Variants in KRTAP5-10 observed in about 807,000 individuals in gnomAD.
KRTAP5-10 encodes the protein keratin associated protein 5-10, also known as keratin-associated protein 5-10.
In KRTAP5-10, 1 loss-of-function variant was observed where a neutral mutation model predicts 1.6. The ratio of observed to expected loss-of-function variants is 0.64; its 90% confidence interval spans 0.23 to 3.04. KRTAP5-10 has a LOEUF of 3.04. Among genes scored for constraint, KRTAP5-10 ranks in the 30% most tolerant of loss-of-function variants. KRTAP5-10 has a pLI of 0.21. For missense variants in KRTAP5-10, 219 were observed against 255.2 expected, an observed-to-expected ratio of 0.86 and a Z score of 0.97; for synonymous variants, 76 against 102.0, an observed-to-expected ratio of 0.75 and a Z score of 1.54.
Position 71,566,324 on chromosome 11 carries a change from C to T in KRTAP5-10, c.*128C>T, listed in dbSNP as rs1389661592. On this transcript the variant is annotated 3_prime_UTR_variant, in exon 1 of 1. Transcript: ENST00000398531. ...CCTTCTCCAGCTCATCATCCATGCA[C>T]GCACCTCCTTCCATGGCTCAGCTCT... is the stretch of plus-strand genomic sequence containing the variant. 17 of 1,395,254 alleles carry T rather than the reference C, an allele frequency of 1.2e-5. No homozygotes were observed. Among genetic ancestry groups the T allele is most frequent in the Middle Eastern group, 2.2e-4 (1 of 4,600 alleles). 86.4% of individuals were successfully genotyped at this position (1,395,254 alleles called of 1,614,324 possible). A position where few individuals can be genotyped will look rare whatever the true frequency, so the allele number is the denominator to read the frequency against.
chr11:71,565,603 T>G lies in KRTAP5-10; in HGVS notation c.16T>G (p.Cys6Gly). The G allele has an allele frequency of 6.4e-7, 1 of 1,558,654 alleles. No homozygotes were observed. The highest frequency in any genetic ancestry group is 8.6e-7 in the Non-Finnish European group (1 of 1,161,770). Residue 6 changes from cysteine to glycine, a missense_variant, in exon 1 of 1, where the codon TGC becomes GGC. Physicochemically the swap from Cys to Gly is radical, Grantham distance 159. This residue lies in a region of KRTAP5-10 where 92 missense variants were observed against 108.8 expected (regional missense o/e 0.85). Transcript: ENST00000398531. Reference sequence around the variant, plus strand: ...TACCAGAATCATGGGCTGCTGTGGCTGCTCCGGAGGCTGTGGCTCCGGCTG... The same window carrying G: ...TACCAGAATCATGGGCTGCTGTGGCGGCTCCGGAGGCTGTGGCTCCGGCTG... MGCCG[C>G]SGGCGSGCGG... is the part of the protein sequence containing the mutation.
At position 71,566,172 on chromosome 11, in the gene KRTAP5-10, C is replaced by G. The variant is rs758747910; in HGVS notation, c.585C>G (p.Pro195=). 1.9e-6 allele frequency: 3 copies of G among 1,614,058 alleles called. No homozygotes were observed. Among genetic ancestry groups the G allele is most frequent in the South Asian group, 1.1e-5 (1 of 91,090 alleles). Residue 195 remains proline (P), a synonymous_variant, in exon 1 of 1, where the codon CCC becomes CCG. Coordinates refer to ENST00000398531, the MANE Select transcript of KRTAP5-10 (RefSeq NM_001012710.2). The stretch of plus-strand genomic sequence containing the variant: ...GCTGTCAGTCCAGCTGCTGTGTCCC[C>G]GTGTGCTGCCAGTGTAAGATCTGAG... ...PCCCQSSCCV[P]VCCQCKI
Position 71,566,088 on chromosome 11 carries a change from C to G in KRTAP5-10, c.501C>G (p.Cys167Trp). The G allele has an allele frequency of 1.2e-6, 2 of 1,613,572 alleles. No individual in the cohort carries two copies. The highest frequency in any genetic ancestry group is 1.7e-6 in the Non-Finnish European group (2 of 1,179,686). Residue 167 changes from cysteine to tryptophan, a missense_variant, in exon 1 of 1, where the codon TGC (cysteine) becomes TGG (tryptophan). Cys to Trp is a radical substitution (Grantham distance 215). Around this residue, in one of 3 missense-constraint regions of KRTAP5-10, gnomAD observed 124 missense variants for 127.2 expected, o/e 0.98. Coordinates refer to ENST00000398531, the MANE Select transcript of KRTAP5-10 (RefSeq NM_001012710.2). ...AGTCCAGCTGCTGCAATCCCTGCTG[C>G]TGCCAGTCCAGCTGCTGTGTCCCCG... The part of the protein sequence containing the change: ...CCQSSCCNPC[C>W]CQSSCCVPVC...
At position 71,566,175 on chromosome 11, in the gene KRTAP5-10, G is replaced by T; in HGVS notation, c.588G>T (p.Val196=). 1 of 1,614,164 alleles carries T rather than the reference G, an allele frequency of 6.2e-7. No homozygotes were observed. The highest frequency in any genetic ancestry group is 2.2e-5 in the East Asian group (1 of 44,878). Residue 196 remains valine (V), a synonymous_variant, in exon 1 of 1, where the codon GTG becomes GTT. Transcript: ENST00000398531. ...GTCAGTCCAGCTGCTGTGTCCCCGTGTGCTGCCAGTGTAAGATCTGAGGCT... is the reference window on the plus strand; with the variant it reads ...GTCAGTCCAGCTGCTGTGTCCCCGTTTGCTGCCAGTGTAAGATCTGAGGCT... ...CCCQSSCCVP[V]CCQCKI
Position 71,565,922 on chromosome 11 carries a change from G to C in KRTAP5-10, c.335G>C (p.Gly112Ala). 1.4e-6 allele frequency: 2 copies of C among 1,434,182 alleles called. No homozygotes were observed. Among genetic ancestry groups the C allele is most frequent in the Non-Finnish European group, 1.9e-6 (2 of 1,063,954 alleles). 88.8% of individuals were successfully genotyped at this position (1,434,182 alleles called of 1,614,324 possible). The change falls in exon 1 of 1, where the codon GGG (glycine) becomes GCG (alanine). Residue 112 changes from glycine to alanine, a missense_variant. Physicochemically the swap from Gly to Ala is moderately conservative, Grantham distance 60. Transcript: ENST00000398531. ...GGCGSCGGSK[G>A]GCGSCGGSKG... ...TGTGGTTCTTGTGGGGGCTCCAAGG[G>C]GGGCTGTGGCTCCTGTGGGGGCTCC...
At position 71,566,382 on chromosome 11, in the gene KRTAP5-10, G is replaced by A. The variant is rs1950191763; in HGVS notation, c.*186G>A. 12 of 938,428 alleles carry A rather than the reference G, an allele frequency of 1.3e-5. No homozygotes were observed. The highest frequency in any genetic ancestry group is 5.1e-5 in the South Asian group (3 of 58,454). The allele number at this position is 938,428 out of a possible 1,614,324, so 58.1% of individuals were successfully genotyped here. A position where few individuals can be genotyped will look rare whatever the true frequency, so the allele number is the denominator to read the frequency against. On this transcript the variant is annotated 3_prime_UTR_variant, in exon 1 of 1. Coordinates refer to ENST00000398531, the MANE Select transcript of KRTAP5-10 (RefSeq NM_001012710.2). ...GCCCTGCCTTCAGCCTCCTCACTCC[G>A]GAAATGCATGTTTCCTTGATGCAGG...
Position 71,566,103 on chromosome 11 carries a change from C to T in KRTAP5-10, c.516C>T (p.Cys172=), listed in dbSNP as rs376757202. Residue 172 remains cysteine, a synonymous_variant, in exon 1 of 1, where the codon TGC becomes TGT. Transcript: ENST00000398531. ...ATCCCTGCTGCTGCCAGTCCAGCTG[C>T]TGTGTCCCCGTGTGCTGCCAGTCTA... The part of the protein sequence containing the change: ...CCNPCCCQSS[C]CVPVCCQSSC... 1 of 1,612,190 alleles carries T rather than the reference C, an allele frequency of 6.2e-7. No individual in the cohort carries two copies. Among genetic ancestry groups the T allele is most frequent in the Admixed American group, 1.7e-5 (1 of 59,972 alleles).
rs768956732 is a variant in KRTAP5-10, at chr11:71,565,996, T to A, written c.409T>A (p.Cys137Ser). The A allele has an allele frequency of 3.7e-6, 6 of 1,613,478 alleles. No individual in the cohort carries two copies. The East Asian group carries it at 1.1e-4, about 30-fold the overall frequency. Residue 137 changes from cysteine (C) to serine (S), a missense_variant, in exon 1 of 1, where the codon TGT (cysteine) becomes AGT (serine). Coordinates refer to ENST00000398531, the MANE Select transcript of KRTAP5-10 (RefSeq NM_001012710.2). The stretch of plus-strand genomic sequence containing the variant: ...GGGCTCCAAGGGGGGCTGTGGTTCT[T>A]GTGGCTGCTCCCAGTGCAATTGCTG... ...CGGSKGGCGSCGCSQCNCCKP... is the reference protein window; with the variant it reads ...CGGSKGGCGSSGCSQCNCCKP...
chr11:71,565,730 G>A lies in KRTAP5-10; in HGVS notation c.143G>A (p.Cys48Tyr), dbSNP rs1301849871. 4 of 1,611,612 alleles carry A rather than the reference G, an allele frequency of 2.5e-6. No homozygotes were observed. In the Admixed American group the frequency reaches 5.0e-5, roughly 20 times the overall value. The stretch of plus-strand genomic sequence containing the variant: ...TCCAGCTGCTGTGTGCCCGTCTGCT[G>A]CTGCAAGCCCGTGTGCTGCTGTGTG... ...CGSSCCVPVCCCKPVCCCVPA... is the reference protein window; with the variant it reads ...CGSSCCVPVCYCKPVCCCVPA... The change falls in exon 1 of 1, where the codon TGC (cysteine) becomes TAC (tyrosine). Residue 48 changes from cysteine (C) to tyrosine (Y), a missense_variant. Physicochemically the swap from Cys to Tyr is radical, Grantham distance 194. Transcript: ENST00000398531.
rs936780818 is a variant in KRTAP5-10 at position 71,566,401 on chromosome 11, A to G, written c.*205A>G. 2.3e-6 allele frequency: 2 copies of G among 860,510 alleles called. No individual in the cohort carries two copies. Among genetic ancestry groups the G allele is most frequent in the Non-Finnish European group, 3.6e-6 (2 of 559,408 alleles). 53.3% of individuals were successfully genotyped at this position (860,510 alleles called of 1,614,324 possible). A position where few individuals can be genotyped will look rare whatever the true frequency, so the allele number is the denominator to read the frequency against. On this transcript the variant is annotated 3_prime_UTR_variant, in exon 1 of 1. Coordinates refer to ENST00000398531, the MANE Select transcript of KRTAP5-10 (RefSeq NM_001012710.2). Reference sequence around the variant, plus strand: ...CACTCCGGAAATGCATGTTTCCTTGATGCAGGAGGTGGCCTTGCCTGGACG... The same window carrying G: ...CACTCCGGAAATGCATGTTTCCTTGGTGCAGGAGGTGGCCTTGCCTGGACG...
rs1254166845 is a variant in KRTAP5-10, at chr11:71,566,684, T to C, written c.*488T>C. On this transcript the variant is annotated 3_prime_UTR_variant, in exon 1 of 1. Coordinates refer to ENST00000398531, the MANE Select transcript of KRTAP5-10 (RefSeq NM_001012710.2). ...GTTGTCTCCATCTATTTAAAAACAA[T>C]AACAAAGTAATGAATGAATTTCCTT... is the stretch of plus-strand genomic sequence containing the variant. The C allele has an allele frequency of 1.2e-5, 2 of 171,286 alleles. No homozygotes were observed. The highest frequency in any genetic ancestry group is 4.8e-5 in the African/African-American group (2 of 41,956). The allele number at this position is 171,286 out of a possible 1,614,324, so 10.6% of individuals were successfully genotyped here.
Position 71,566,266 on chromosome 11 carries a change from T to C in KRTAP5-10, c.*70T>C. Reference sequence around the variant, plus strand: ...ATTTGTTATGATTTCCCTGAATTAATTCATCCCACGCATCCTCCCTGAGGC... The same window carrying C: ...ATTTGTTATGATTTCCCTGAATTAACTCATCCCACGCATCCTCCCTGAGGC... On this transcript the variant is annotated 3_prime_UTR_variant, in exon 1 of 1. Coordinates refer to ENST00000398531, the MANE Select transcript of KRTAP5-10 (RefSeq NM_001012710.2). 2.5e-6 allele frequency: 4 copies of C among 1,599,516 alleles called. No individual in the cohort carries two copies. The highest frequency in any genetic ancestry group is 3.4e-6 in the Non-Finnish European group (4 of 1,171,376).
Position 71,566,070 on chromosome 11 carries a change from C to G in KRTAP5-10, c.483C>G (p.Ser161Arg). 6.2e-7 allele frequency: 1 copy of G among 1,611,466 alleles called. No homozygotes were observed. Among genetic ancestry groups the G allele is most frequent in the Non-Finnish European group, 8.5e-7 (1 of 1,179,612 alleles). The change falls in exon 1 of 1, where the codon AGC becomes AGG. Residue 161 changes from serine to arginine, a missense_variant. By Grantham distance (110) the Ser-to-Arg change is moderately radical. Coordinates refer to ENST00000398531, the MANE Select transcript of KRTAP5-10 (RefSeq NM_001012710.2). ...SSGCGSCCQS[S>R]CCNPCCCQSS... is the part of the protein sequence containing the mutation. ...GCTGTGGATCCTGCTGCCAGTCCAG[C>G]TGCTGCAATCCCTGCTGCTGCCAGT...
chr11:71,566,248 A>T lies in KRTAP5-10; in HGVS notation c.*52A>T. 6.2e-7 allele frequency: 1 copy of T among 1,609,324 alleles called. No individual in the cohort carries two copies. Among genetic ancestry groups the T allele is most frequent in the African/African-American group, 1.3e-5 (1 of 74,906 alleles). ...CACCTGTTTGGTGAAAGCATTTGTT[A>T]TGATTTCCCTGAATTAATTCATCCC... is the stretch of plus-strand genomic sequence containing the variant. On this transcript the variant is annotated 3_prime_UTR_variant, in exon 1 of 1. Coordinates refer to ENST00000398531, the MANE Select transcript of KRTAP5-10 (RefSeq NM_001012710.2).
In KRTAP5-10 at chr11:71,566,141, C is replaced by T. The variant is rs1403930253; in HGVS notation, c.554C>T (p.Pro185Leu). The change falls in exon 1 of 1, where the codon CCC becomes CTC. Residue 185 changes from proline to leucine, a missense_variant. By Grantham distance (98) the Pro-to-Leu change is moderately conservative. This residue lies in a region of KRTAP5-10 where 124 missense variants were observed against 127.2 expected (regional missense o/e 0.98). Coordinates refer to ENST00000398531, the MANE Select transcript of KRTAP5-10 (RefSeq NM_001012710.2). ...TGCTGCCAGTCTAGCTGCTGCAAGC[C>T]CTGCTGCTGTCAGTCCAGCTGCTGT... is the stretch of plus-strand genomic sequence containing the variant. ...PVCCQSSCCK[P>L]CCCQSSCCVP... is the part of the protein sequence containing the mutation. 6.2e-7 allele frequency: 1 copy of T among 1,613,828 alleles called. No individual in the cohort carries two copies. The highest frequency in any genetic ancestry group is 8.5e-7 in the Non-Finnish European group (1 of 1,179,972).
chr11:71,565,898 G>C lies in KRTAP5-10; in HGVS notation c.311G>C (p.Cys104Ser). The change falls in exon 1 of 1, where the codon TGT (cysteine) becomes TCT (serine). Residue 104 changes from cysteine to serine, a missense_variant. By Grantham distance (112) the Cys-to-Ser change is moderately radical. Around this residue, in one of 3 missense-constraint regions of KRTAP5-10, gnomAD observed 124 missense variants for 127.2 expected, o/e 0.98. Transcript: ENST00000398531. ...TCCTGTGGGGGCTCCAAGGGGGGCT[G>C]TGGTTCTTGTGGGGGCTCCAAGGGG... Reference protein sequence around the residue: ...CGSCGGSKGGCGSCGGSKGGC... With the variant: ...CGSCGGSKGGSGSCGGSKGGC... 7.1e-7 allele frequency: 1 copy of C among 1,402,654 alleles called. No homozygotes were observed. Among genetic ancestry groups the C allele is most frequent in the South Asian group, 1.2e-5 (1 of 80,048 alleles). The allele number at this position is 1,402,654 out of a possible 1,614,324, so 86.9% of individuals were successfully genotyped here.
rs1184030304 is a variant in KRTAP5-10, at chr11:71,566,313, T to A, written c.*117T>A. On this transcript the variant is annotated 3_prime_UTR_variant, in exon 1 of 1. Transcript: ENST00000398531. ...AGGCACCTGCCCCTTCTCCAGCTCA[T>A]CATCCATGCACGCACCTCCTTCCAT... is the stretch of plus-strand genomic sequence containing the variant. 10 of 1,486,428 alleles carry A rather than the reference T, an allele frequency of 6.7e-6. No homozygotes were observed. The Admixed American group carries it at 1.2e-4, about 18-fold the overall frequency. 92.1% of individuals were successfully genotyped at this position (1,486,428 alleles called of 1,614,324 possible).
At position 71,565,919 on chromosome 11, in the gene KRTAP5-10, AG is replaced by A. The variant is rs1168942906; in HGVS notation, c.338del (p.Gly113AlafsTer104). Reference sequence around the variant, plus strand: ...GGCTGTGGTTCTTGTGGGGGCTCCAAGGGGGGCTGTGGCTCCTGTGGGGGCT... The same window carrying A: ...GGCTGTGGTTCTTGTGGGGGCTCCAAGGGGGCTGTGGCTCCTGTGGGGGCT... ...KGGCGSCGGS[K>X]GGCGSCGGSK... On this transcript the variant is annotated frameshift_variant, in exon 1 of 1. Transcript: ENST00000398531. LOFTEE classifies it low-confidence loss of function (END_TRUNC). 2.0e-6 allele frequency: 2 copies of A among 983,678 alleles called. No individual in the cohort carries two copies. Among genetic ancestry groups the A allele is most frequent in the Non-Finnish European group, 2.7e-6 (2 of 739,856 alleles). The allele number at this position is 983,678 out of a possible 1,614,324, so 60.9% of individuals were successfully genotyped here.
Position 71,566,256 on chromosome 11 carries a change from C to T in KRTAP5-10, c.*60C>T, listed in dbSNP as rs1950191108. On this transcript the variant is annotated 3_prime_UTR_variant, in exon 1 of 1. Transcript: ENST00000398531. ...TGGTGAAAGCATTTGTTATGATTTC[C>T]CTGAATTAATTCATCCCACGCATCC... 1.2e-6 allele frequency: 2 copies of T among 1,606,036 alleles called. No homozygotes were observed. Among genetic ancestry groups the T allele is most frequent in the East Asian group, 4.5e-5 (2 of 44,824 alleles).
Sources: allele counts gnomAD v4.1 joint callset, GRCh38; gene constraint gnomAD v4.1.1; regional missense constraint gnomAD v4.1.1; transcripts MANE v1.5; gene names NCBI Gene and HGNC (gene_info 2026-07-23, HGNC 2026-07-21).